NIN: variants seen among roughly 807,000 people sequenced by gnomAD.
NIN encodes glycogen synthase kinase 3 beta-interacting protein.
A neutral mutation model predicts 257.6 loss-of-function variants in NIN; 137 were observed. The observed-to-expected ratio is 0.53, with a 90% confidence interval of 0.46 to 0.61. The LOEUF is 0.61. Among genes scored for constraint, NIN ranks in the 20% least tolerant of loss-of-function variants. NIN has a pLI of 0.00. For missense variants in NIN, 2,439 were observed against 2,501.2 expected (o/e 0.98, Z 0.53); for synonymous variants, 918 against 919.8 (o/e 1.00, Z 0.04).
intron 24 of NIN, 128 bp downstream of exon 24, chr14:50,743,288 T>C: frequency 1.5e-6 from 1 of 648,778 alleles, no homozygotes; most frequent in South Asian, 1.7e-5. Flanking sequence ...CATCAAACAT[T>C]GGTCAAATTG....
rs370592146 is a variant in NIN at position 50,758,436 on chromosome 14, A to G, written c.2594T>C (p.Leu865Pro). The change falls in exon 18 of 31, where the codon CTC (leucine) becomes CCC (proline). Residue 865 changes from leucine (L) to proline (P), a missense_variant. This residue lies in a region of NIN where 2,043 missense variants were observed against 2,050.2 expected (regional missense o/e 1.00). Transcript: ENST00000530997. ...CTGGGCTTCCGCACACTCCTGGGTG[A>G]GCTCGTCCTTCTCAAATTCCCACTG... ...KSQWEFEKDE[L>P]TQECAEAQEL... is the part of the protein sequence containing the mutation. The G allele has an allele frequency of 1.9e-6, 3 of 1,613,852 alleles. No individual in the cohort carries two copies. Among genetic ancestry groups the G allele is most frequent in the Non-Finnish European group, 2.5e-6 (3 of 1,179,992 alleles).
intron 12 of NIN, among the ~76,000 whole-genome samples, chr14:50,767,505 C>T (rs1224372260): frequency 2.0e-5 from 3 of 152,092 alleles, no homozygotes; most frequent in Admixed American, 1.3e-4. Flanking sequence ...AAAGAGAACT[C>T]AGAAAAAGTA....
chr14:50,791,808 C>CACACACAA (rs545069037), intron 5 of NIN, among the ~76,000 whole-genome samples: 7,012 of 18,962 alleles, frequency 0.37, 358 homozygotes, highest in East Asian at 0.52. Context: ...GGTGCACGCG[C>CACACACAA]ACACACACAC....
intron 27 of NIN, among the ~76,000 whole-genome samples, chr14:50,735,916 G>T (rs2040952143): frequency 6.6e-6 from 1 of 152,080 alleles, no homozygotes; most frequent in African/African-American, 2.4e-5. Flanking sequence ...CCACACATAT[G>T]TACAGTACAT....
At chr14:50,770,640 C>G (rs1158888520) in intron 11 of NIN, 78 bp from the exon 12 acceptor site, 1 of 1,510,064 alleles carries the variant, frequency 6.6e-7, no homozygotes, top group African/African-American at 1.4e-5. Flanking sequence ...AATGGAAACA[C>G]AGAGGCACAG....
chr14:50,811,919 G>A (rs113640045), intron 3 of NIN, among the ~76,000 whole-genome samples: 19,038 of 150,538 alleles, frequency 0.13, 1,450 homozygotes, highest in East Asian at 0.35. Flanking sequence ...GTGTGAACCC[G>A]GGAGGCGGAG....
At chr14:50,825,547 C>T (rs972890002) in intron 2 of NIN, among the ~76,000 whole-genome samples, 44 of 152,302 alleles carry the variant, frequency 2.9e-4, no homozygotes, top group South Asian at 2.1e-4. Flanking sequence ...CATTTTCCCA[C>T]GCAAGATGTA....
intron 28 of NIN, among the ~76,000 whole-genome samples, chr14:50,734,963 G>A (rs1394661544): frequency 6.6e-6 from 1 of 151,880 alleles, no homozygotes; most frequent in Non-Finnish European, 1.5e-5. Flanking sequence ...TGGGATTACA[G>A]GTATAAGCCA....
chr14:50,745,177 C>T (rs2041480685), intron 22 of NIN, among the ~76,000 whole-genome samples: 2 of 152,118 alleles, frequency 1.3e-5, no homozygotes, highest in African/African-American at 4.8e-5. Context: ...GTACTAGTCT[C>T]ATTTTGGGCT....
At chr14:50,775,098 T>C (rs2141847058) in intron 7 of NIN, among the ~76,000 whole-genome samples, 1 of 152,286 alleles carries the variant, frequency 6.6e-6, no homozygotes, top group East Asian at 1.9e-4. Context: ...TAGCGAGTGC[T>C]GGGAAACTGA....
At position 50,757,299 on chromosome 14, in the gene NIN, G is replaced by T. The variant is rs1258902721; in HGVS notation, c.3731C>A (p.Ala1244Asp). The T allele has an allele frequency of 2.5e-6, 4 of 1,614,104 alleles. No individual in the cohort carries two copies. In the South Asian group the frequency reaches 4.4e-5, roughly 18 times the overall value. The stretch of plus-strand genomic sequence containing the variant: ...ATACAACAGCTTATATTTGGGAGAA[G>T]CCTCAGGGATTCTCTCAAGCATCTT... ...KLKMLERIPE[A>D]SPKYKLLYED... Residue 1244 changes from alanine to aspartate, a missense_variant, in exon 18 of 31, where the codon GCT becomes GAT. By Grantham distance (126) the Ala-to-Asp change is moderately radical (BLOSUM62 -2). This residue lies in a region of NIN where 2,043 missense variants were observed against 2,050.2 expected (regional missense o/e 1.00). Coordinates refer to ENST00000530997, the MANE Select transcript of NIN (RefSeq NM_020921.4).
At position 50,756,578 on chromosome 14, in the gene NIN, G is replaced by A. The variant is rs767680919; in HGVS notation, c.4452C>T (p.His1484=). The A allele has an allele frequency of 1.1e-5, 17 of 1,610,296 alleles. No individual in the cohort carries two copies. Among genetic ancestry groups the A allele is most frequent in the Admixed American group, 8.4e-5 (5 of 59,572 alleles). Residue 1484 remains histidine (H), a synonymous_variant, in exon 18 of 31, where the codon CAC becomes CAT. Coordinates refer to ENST00000530997, the MANE Select transcript of NIN (RefSeq NM_020921.4). The part of the protein sequence containing the change: ...ILVKQKDVLS[H]GEKEEELKAM... The stretch of plus-strand genomic sequence containing the variant: ...CCTTCAGCTCTTCCTCCTTTTCTCC[G>A]TGAGAAAGTACATCTTTTTGCTTAA...
intron 4 of NIN, among the ~76,000 whole-genome samples, chr14:50,798,107 C>T (rs893861506): frequency 9.2e-5 from 14 of 152,294 alleles, no homozygotes; most frequent in African/African-American, 3.4e-4. Flanking sequence ...CAGTGCACTC[C>T]CTGCCTCTAG....
chr14:50,743,714 T>A (rs972531275), intron 23 of NIN, among the ~76,000 whole-genome samples, 185 bp from the exon 24 acceptor site: 5 of 152,190 alleles, frequency 3.3e-5, no homozygotes, highest in African/African-American at 9.7e-5. Flanking sequence ...GTTTTACACG[T>A]CTAATTTTGA....
At chr14:50,742,907 TTTAAA>T (rs1237579516) in intron 24 of NIN, among the ~76,000 whole-genome samples, 3 of 152,224 alleles carry the variant, frequency 2.0e-5, no homozygotes, top group Admixed American at 6.5e-5. Context: ...GATGGAAATA[TTTAAA>T]TTATTTTGCT....
At chr14:50,740,873 A>C (rs1452833673) in intron 25 of NIN, among the ~76,000 whole-genome samples, 1 of 152,258 alleles carries the variant, frequency 6.6e-6, no homozygotes, top group African/African-American at 2.4e-5. Flanking sequence ...CATCTGCCCC[A>C]AAATGACATC....
rs1386239912 is a variant in NIN, at chr14:50,760,058, T to G, written c.2198A>C (p.Gln733Pro). Reference sequence around the variant, plus strand: ...CTCCCGCTCAAAGCTTGCTTGAGCCTGTGTCAGTCTAGCCTTGAGCTCCAT... The same window carrying G: ...CTCCCGCTCAAAGCTTGCTTGAGCCGGTGTCAGTCTAGCCTTGAGCTCCAT... ...HEMELKARLT[Q>P]AQASFERERE... The change falls in exon 17 of 31, where the codon CAG (glutamine) becomes CCG (proline). Residue 733 changes from glutamine (Q) to proline (P), a missense_variant. This residue lies in a region of NIN where 2,043 missense variants were observed against 2,050.2 expected (regional missense o/e 1.00). Transcript: ENST00000530997. 6.2e-7 allele frequency: 1 copy of G among 1,614,182 alleles called. No homozygotes were observed. Among genetic ancestry groups the G allele is most frequent in the Admixed American group, 1.7e-5 (1 of 60,032 alleles).
intron 14 of NIN, among the ~76,000 whole-genome samples, chr14:50,765,832 C>T (rs543390069): frequency 2.0e-4 from 27 of 132,696 alleles, no homozygotes; most frequent in African/African-American, 5.9e-4. Flanking sequence ...ATGTTAATAG[C>T]TAACATTTAT....
chr14:50,778,702 G>C (rs772495544), intron 6 of NIN, 63 bp downstream of exon 6: 2 of 1,415,662 alleles, frequency 1.4e-6, no homozygotes, highest in African/African-American at 1.4e-5. Flanking sequence ...CAGAAAGACC[G>C]GGTGTGGAGA....
Sources: allele counts gnomAD v4.1 joint callset (sites outside exome capture counted in the v4.1 genomes callset), GRCh38; gene constraint gnomAD v4.1.1; regional missense constraint gnomAD v4.1.1; transcripts MANE v1.5; gene names NCBI Gene and HGNC (gene_info 2026-07-23, HGNC 2026-07-21).